LRRTM3: variants seen among roughly 807,000 people sequenced by gnomAD.
The protein encoded by LRRTM3 is leucine rich repeat transmembrane neuronal 3.
In LRRTM3, 24 loss-of-function variants were observed where a neutral mutation model predicts 44.7. The ratio of observed to expected loss-of-function variants is 0.54; its 90% CI spans 0.39 to 0.76. The LOEUF (loss-of-function observed/expected upper bound fraction) is 0.76. LRRTM3 is among the 30% of genes least tolerant of loss of function. LRRTM3 has a pLI of 0.00. For missense variants in LRRTM3, 587 were observed against 702.2 expected (o/e 0.84, Z 1.85); for synonymous variants, 277 against 278.7 (o/e 0.99, Z 0.06).
At chr10:67,052,095 C>T (rs776051839) in intron 2 of LRRTM3, among the ~76,000 whole-genome samples, 2 of 152,028 alleles carry the variant, frequency 1.3e-5, no homozygotes, top group Non-Finnish European at 2.9e-5. Flanking sequence ...TTGGAGGGGT[C>T]GTTGAGAGTC....
At chr10:67,055,765 C>A (rs1349546909) in intron 2 of LRRTM3, among the ~76,000 whole-genome samples, 1 of 152,042 alleles carries the variant, frequency 6.6e-6, no homozygotes, top group Non-Finnish European at 1.5e-5. Flanking sequence ...GAAAGATGTA[C>A]CTCAAAGGTT....
intron 2 of LRRTM3, among the ~76,000 whole-genome samples, chr10:66,946,832 G>A (rs1032020307): frequency 1.4e-4 from 21 of 151,946 alleles, no homozygotes; most frequent in Non-Finnish European, 3.1e-4. Context: ...GTATGTACTT[G>A]GAAGTTCTTG....
intron 2 of LRRTM3, among the ~76,000 whole-genome samples, chr10:66,974,563 C>T (rs1193544654): frequency 6.6e-6 from 1 of 152,100 alleles, no homozygotes; most frequent in Non-Finnish European, 1.5e-5. Flanking sequence ...GAATGCTTAC[C>T]TTTTTAAAGA....
chr10:66,942,302 A>G (rs1256489712), intron 2 of LRRTM3, among the ~76,000 whole-genome samples: 1 of 152,206 alleles, frequency 6.6e-6, no homozygotes, highest in African/African-American at 2.4e-5. Flanking sequence ...GACGCTTACC[A>G]ATCATTATTA....
intron 2 of LRRTM3, among the ~76,000 whole-genome samples, chr10:67,064,909 AG>A (rs1403529981): frequency 7.2e-5 from 11 of 152,204 alleles, no homozygotes; most frequent in African/African-American, 2.7e-4. Context: ...AGGAGAAAAA[AG>A]TTATATGAGG....
intron 2 of LRRTM3, among the ~76,000 whole-genome samples, chr10:66,978,929 GT>G (rs1189149485): frequency 7.8e-6 from 1 of 127,678 alleles, no homozygotes; most frequent in Non-Finnish European, 1.7e-5. Flanking sequence ...CAAGTCCCTT[GT>G]TAAATAGCCA....
intron 2 of LRRTM3, among the ~76,000 whole-genome samples, chr10:67,028,368 A>G (rs1228404813): frequency 6.6e-6 from 1 of 152,112 alleles, no homozygotes; most frequent in Admixed American, 6.5e-5. Flanking sequence ...GAGAGTACCT[A>G]TCATCCACAG....
chr10:67,006,275 A>G (rs1010332862), intron 2 of LRRTM3, among the ~76,000 whole-genome samples: 3 of 151,978 alleles, frequency 2.0e-5, no homozygotes, highest in Admixed American at 1.3e-4. Flanking sequence ...ACATCACACC[A>G]CTTAACTATT....
At chr10:66,980,249 A>G (rs1360571498) in intron 2 of LRRTM3, among the ~76,000 whole-genome samples, 3 of 152,168 alleles carry the variant, frequency 2.0e-5, no homozygotes, top group Non-Finnish European at 2.9e-5. Flanking sequence ...TAATTTAGAG[A>G]CCACTGTGTT....
intron 2 of LRRTM3, among the ~76,000 whole-genome samples, chr10:66,957,049 T>C (rs779896934): frequency 6.6e-6 from 1 of 152,176 alleles, no homozygotes; most frequent in Admixed American, 6.6e-5. Flanking sequence ...TAATGCTACC[T>C]AGCTCTGTCT....
At chr10:66,980,235 T>C (rs978893373) in intron 2 of LRRTM3, among the ~76,000 whole-genome samples, 1 of 152,198 alleles carries the variant, frequency 6.6e-6, no homozygotes, top group Admixed American at 6.5e-5. Flanking sequence ...ATGAAGTCAA[T>C]TACTAATTTA....
At chr10:67,071,818 TTGAG>T (rs1233525906) in intron 2 of LRRTM3, among the ~76,000 whole-genome samples, 6 of 152,210 alleles carry the variant, frequency 3.9e-5, no homozygotes, top group Non-Finnish European at 8.8e-5. Context: ...TTTCTATGCT[TTGAG>T]TATTTTTTCA....
At chr10:67,055,298 G>A (rs575097432) in intron 2 of LRRTM3, among the ~76,000 whole-genome samples, 2 of 152,212 alleles carry the variant, frequency 1.3e-5, no homozygotes, top group East Asian at 3.9e-4. Context: ...ATTTCCCATT[G>A]AGTTTTCATA....
intron 2 of LRRTM3, among the ~76,000 whole-genome samples, chr10:66,998,754 T>G (rs1851511327): frequency 6.6e-6 from 1 of 152,100 alleles, no homozygotes; most frequent in Non-Finnish European, 1.5e-5. Context: ...AGATCAACAA[T>G]AATGGGAGAT....
chr10:66,938,900 T>G (rs1847858132), intron 2 of LRRTM3, among the ~76,000 whole-genome samples: 1 of 152,180 alleles, frequency 6.6e-6, no homozygotes, highest in Admixed American at 6.6e-5. Flanking sequence ...CAACGTTTGT[T>G]TAAAAGCCAT....
chr10:66,949,497 G>T (rs926512666), intron 2 of LRRTM3, among the ~76,000 whole-genome samples: 1 of 151,836 alleles, frequency 6.6e-6, no homozygotes, highest in Admixed American at 6.6e-5. Flanking sequence ...GGCGGAGGTT[G>T]CAGTGAGCCA....
intron 2 of LRRTM3, among the ~76,000 whole-genome samples, chr10:67,040,193 A>G (rs1854305424): frequency 6.6e-6 from 1 of 152,040 alleles, no homozygotes; most frequent in Non-Finnish European, 1.5e-5. Flanking sequence ...GTGCCCTTTA[A>G]TGTTCTGAAG....
chr10:67,021,744 T>C (rs1474386380), intron 2 of LRRTM3, among the ~76,000 whole-genome samples: 1 of 152,196 alleles, frequency 6.6e-6, no homozygotes, highest in African/African-American at 2.4e-5. Flanking sequence ...TTTCTGGACT[T>C]CTTAAAATGT....
chr10:67,044,045 AG>A (rs1854574749), intron 2 of LRRTM3, among the ~76,000 whole-genome samples: 1 of 151,964 alleles, frequency 6.6e-6, no homozygotes, highest in Non-Finnish European at 1.5e-5. Context: ...CCCATCACCC[AG>A]GTAGTAAACA....
Sources: allele counts gnomAD v4.1 joint callset (sites outside exome capture counted in the v4.1 genomes callset), GRCh38; gene constraint gnomAD v4.1.1; transcripts MANE v1.5; gene names NCBI Gene and HGNC (gene_info 2026-07-23, HGNC 2026-07-21).